Variants in MTF2 observed in about 807,000 individuals in gnomAD.
The protein encoded by MTF2 is metal-response element-binding transcription factor 2.
In MTF2, 11 loss-of-function variants were observed where a neutral mutation model predicts 79.5. That is an observed-to-expected ratio of 0.14 (90% CI 0.09 to 0.23). MTF2 has a LOEUF of 0.23. MTF2 is among the 10% of genes least tolerant of loss of function. The probability of loss-of-function intolerance (pLI) is 1.00; values close to 1 mark genes in which losing one functional copy is unlikely to be tolerated. For synonymous variants in MTF2, 208 were observed against 232.8 expected, an observed-to-expected ratio of 0.89 and a Z score of 0.97; for missense variants, 486 against 711.2, an observed-to-expected ratio of 0.68 and a Z score of 3.60.
intron 1 of MTF2, among the ~76,000 whole-genome samples, chr1:93,088,622 G>A (rs1330409043): frequency 6.6e-6 from 1 of 152,168 alleles, no homozygotes; most frequent in African/African-American, 2.4e-5. Flanking sequence ...CGGGAATGCA[G>A]TGGTGCGATC....
At chr1:93,100,530 C>A (rs571198) in intron 1 of MTF2, among the ~76,000 whole-genome samples, 152,031 of 152,236 alleles carry the variant, frequency 1, 75,914 homozygotes, top group East Asian at 1. Context: ...GATGGTCTTG[C>A]TCTCCTGACC....
chr1:93,119,295 C>A, intron 7 of MTF2, 38 bp from the exon 8 acceptor site: 1 of 1,376,700 alleles, frequency 7.3e-7, no homozygotes, highest in Non-Finnish European at 1.0e-6. Flanking sequence ...TCTCTGATGA[C>A]TCAGTATAAA....
At chr1:93,132,973 TTCTA>T (rs1018331891) in intron 11 of MTF2, among the ~76,000 whole-genome samples, 7 of 152,062 alleles carry the variant, frequency 4.6e-5, no homozygotes, top group Non-Finnish European at 8.8e-5. Flanking sequence ...TAGATATTCT[TTCTA>T]TATATATATT....
intron 1 of MTF2, among the ~76,000 whole-genome samples, chr1:93,082,752 ATTTT>A (rs538567535): frequency 2.0e-5 from 3 of 152,024 alleles, no homozygotes; most frequent in African/African-American, 4.8e-5. Context: ...CAGTTCAGTG[ATTTT>A]TTTTAGTATA....
intron 11 of MTF2, among the ~76,000 whole-genome samples, chr1:93,132,760 A>C (rs1431572874): frequency 6.6e-6 from 1 of 151,670 alleles, no homozygotes; most frequent in Non-Finnish European, 1.5e-5. Context: ...TTTCTAGGCT[A>C]TTGTATAGTG....
intron 1 of MTF2, among the ~76,000 whole-genome samples, chr1:93,090,166 C>T (rs999181324): frequency 2.6e-5 from 4 of 152,030 alleles, no homozygotes; most frequent in African/African-American, 7.2e-5. Flanking sequence ...TTAGTAGAGA[C>T]GGGGTTTCAC....
chr1:93,114,266 T>A (rs1023869241), intron 3 of MTF2, among the ~76,000 whole-genome samples: 2 of 152,240 alleles, frequency 1.3e-5, no homozygotes, highest in African/African-American at 4.8e-5. Flanking sequence ...ACTTTTTTTC[T>A]TTAATTTCAT....
chr1:93,105,507 T>A (rs540847332), intron 1 of MTF2, among the ~76,000 whole-genome samples: 8 of 152,314 alleles, frequency 5.3e-5, no homozygotes, highest in African/African-American at 1.9e-4. Context: ...AGTTGTAGTT[T>A]CCTCATGTAA....
intron 1 of MTF2, among the ~76,000 whole-genome samples, chr1:93,105,056 A>G (rs1289822265): frequency 6.8e-6 from 1 of 146,872 alleles, no homozygotes; most frequent in Non-Finnish European, 1.5e-5. Flanking sequence ...AGGCAGGAGA[A>G]TGGCGTGAAC....
chr1:93,112,292 G>A (rs1656059825), intron 3 of MTF2, among the ~76,000 whole-genome samples: 1 of 152,134 alleles, frequency 6.6e-6, no homozygotes. Context: ...TGAGGAGTGG[G>A]TTTAGTAGTT....
rs1305028314 is a variant in MTF2, at chr1:93,137,428, C to T, written c.*401C>T. The T allele has an allele frequency of 6.3e-6, 1 of 158,500 alleles. No homozygotes were observed. Among genetic ancestry groups the T allele is most frequent in the Non-Finnish European group, 1.4e-5 (1 of 71,700 alleles). The allele number at this position is 158,500 out of a possible 1,614,324, so 9.8% of individuals were successfully genotyped here. On this transcript the variant is annotated 3_prime_UTR_variant, in exon 15 of 15. Coordinates refer to ENST00000370298, the MANE Select transcript of MTF2 (RefSeq NM_007358.4). ...GGAGAAACGTTGTTTGTTTTGTTAC[C>T]AAAATGTTGGAAAAATTTATTTCAA...
intron 6 of MTF2, among the ~76,000 whole-genome samples, chr1:93,116,943 T>G (rs1272848980): frequency 6.6e-6 from 1 of 152,172 alleles, no homozygotes; most frequent in African/African-American, 2.4e-5. Flanking sequence ...TTTGCCATCT[T>G]AGGTGGGCAC....
chr1:93,121,039 C>A, intron 9 of MTF2: 1 of 1,024,496 alleles, frequency 9.8e-7, no homozygotes, highest in Non-Finnish European at 1.2e-6. Context: ...AGAGATATAA[C>A]CAACATTCTT....
intron 3 of MTF2, among the ~76,000 whole-genome samples, chr1:93,113,511 A>G (rs1036849956): frequency 2.6e-5 from 4 of 152,218 alleles, no homozygotes; most frequent in African/African-American, 9.6e-5. Flanking sequence ...GGTAACCTGT[A>G]TGTCCGAGAG....
intron 1 of MTF2, among the ~76,000 whole-genome samples, chr1:93,109,226 T>C (rs1340856589): frequency 6.6e-6 from 1 of 152,238 alleles, no homozygotes; most frequent in Non-Finnish European, 1.5e-5. Flanking sequence ...GATGGTGGTA[T>C]GCTTTGCTGT....
chr1:93,101,582 T>TTTTTG lies in MTF2; in HGVS notation c.6-8644_6-8643insGTTTT, dbSNP rs1655543151. Among the ~76,000 whole-genome samples the TTTTTG allele has an allele frequency of 1.8e-5, 2 of 111,350 alleles. 1 individual carries two copies. Among genetic ancestry groups the TTTTTG allele is most frequent in the African/African-American group, 6.2e-5 (2 of 32,318 alleles). The allele number at this position is 111,350 out of a possible 152,430, so 73.0% of individuals were successfully genotyped here. A position where few individuals can be genotyped will look rare whatever the true frequency, so the allele number is the denominator to read the frequency against. On this transcript the variant is annotated intron_variant, in intron 1 of 14. Coordinates refer to ENST00000370298, the MANE Select transcript of MTF2 (RefSeq NM_007358.4). ...TGCTCAGGCTGGTTTTTTTTTTTTTTTTTTTTTTTTTTTTTGAGACAGGGT... is the reference window on the plus strand; with the variant it reads ...TGCTCAGGCTGGTTTTTTTTTTTTTTTTTTGTTTTTTTTTTTTTTTGAGACAGGGT...
rs1284005102 is a variant in MTF2, at chr1:93,115,096, T to C, written c.483+8T>C. 6.4e-7 allele frequency: 1 copy of C among 1,573,216 alleles called. No individual in the cohort carries two copies. Among genetic ancestry groups the C allele is most frequent in the Non-Finnish European group, 8.7e-7 (1 of 1,145,010 alleles). On this transcript the variant is annotated splice_region_variant and intron_variant, in intron 5 of 14. Coordinates refer to ENST00000370298, the MANE Select transcript of MTF2 (RefSeq NM_007358.4). Reference sequence around the variant, plus strand: ...TTTGCAACAACAACAAAGGTATATTTTAAGTGTTTTGGGCTAAAGCTCTGA... The same window carrying C: ...TTTGCAACAACAACAAAGGTATATTCTAAGTGTTTTGGGCTAAAGCTCTGA...
At position 93,115,107 on chromosome 1, in the gene MTF2, G is replaced by A; in HGVS notation, c.483+19G>A. The A allele has an allele frequency of 6.6e-7, 1 of 1,521,884 alleles. No homozygotes were observed. The highest frequency in any genetic ancestry group is 9.1e-7 in the Non-Finnish European group (1 of 1,100,986). The allele number at this position is 1,521,884 out of a possible 1,614,324, so 94.3% of individuals were successfully genotyped here. A position where few individuals can be genotyped will look rare whatever the true frequency, so the allele number is the denominator to read the frequency against. ...AACAAAGGTATATTTTAAGTGTTTT[G>A]GGCTAAAGCTCTGATGGAATTTGTA... is the stretch of plus-strand genomic sequence containing the variant. On this transcript the variant is annotated intron_variant, in intron 5 of 14. Transcript: ENST00000370298.
chr1:93,105,427 G>A (rs577221246), intron 1 of MTF2, among the ~76,000 whole-genome samples: 1 of 152,298 alleles, frequency 6.6e-6, no homozygotes, highest in African/African-American at 2.4e-5. Flanking sequence ...TGCCCAGAGA[G>A]AAGATTTATT....
Sources: allele counts gnomAD v4.1 joint callset (sites outside exome capture counted in the v4.1 genomes callset), GRCh38; gene constraint gnomAD v4.1.1; transcripts MANE v1.5; gene names NCBI Gene and HGNC (gene_info 2026-07-23, HGNC 2026-07-21).